ID1: variants seen among roughly 807,000 people sequenced by gnomAD.
ID1 encodes the protein DNA-binding protein inhibitor ID-1.
Under a neutral mutation model 11.3 loss-of-function variants are expected in ID1, and 8 were observed. The observed-to-expected ratio is 0.71, with a 90% CI of 0.42 to 1.28. The LOEUF is 1.28. Among genes scored for constraint, ID1 ranks in the 50% most tolerant of loss-of-function variants. The probability of loss-of-function intolerance (pLI) is 0.01; values close to 1 mark genes in which losing one functional copy is unlikely to be tolerated. For missense variants in ID1, 347 were observed against 219.8 expected, an observed-to-expected ratio of 1.58 and a Z score of -3.66; for synonymous variants, 176 against 100.2, an observed-to-expected ratio of 1.76 and a Z score of -4.52.
At position 31,605,451 on chromosome 20, in the gene ID1, G is replaced by C. The variant is rs749355245; in HGVS notation, c.64G>C (p.Gly22Arg). 45 of 1,608,990 alleles carry C rather than the reference G, an allele frequency of 2.8e-5. No individual in the cohort carries two copies. In the East Asian group the frequency reaches 9.4e-4, roughly 34 times the overall value. The change falls in exon 1 of 2, where the codon GGC (glycine) becomes CGC (arginine). Residue 22 changes from glycine (G) to arginine (R), a missense_variant. By Grantham distance (125) the Gly-to-Arg change is moderately radical. Coordinates refer to ENST00000376112, the MANE Select transcript of ID1 (RefSeq NM_002165.4). ...AAGPSCALKAGKTASGAGEVV... is the reference protein window; with the variant it reads ...AAGPSCALKARKTASGAGEVV... The stretch of plus-strand genomic sequence containing the variant: ...GGGCCCCAGCTGCGCGCTGAAGGCC[G>C]GCAAGACAGCGAGCGGTGCGGGCGA...
chr20:31,606,176 G>GC lies in ID1; in HGVS notation c.*84dup. ...GTGCTCTGTGGGTCTCCCCCAACGC[G>GC]CCTCGCCGGATCTGAGGGAGAACAA... On this transcript the variant is annotated 3_prime_UTR_variant, in exon 2 of 2. Transcript: ENST00000376112. The GC allele has an allele frequency of 7.0e-7, 1 of 1,419,576 alleles. No individual in the cohort carries two copies. Among genetic ancestry groups the GC allele is most frequent in the Non-Finnish European group, 9.9e-7 (1 of 1,013,218 alleles). The allele number at this position is 1,419,576 out of a possible 1,614,324, so 87.9% of individuals were successfully genotyped here. A position where few individuals can be genotyped will look rare whatever the true frequency, so the allele number is the denominator to read the frequency against.
Position 31,605,317 on chromosome 20 carries a change from CG to C in ID1, c.-70del, listed in dbSNP as rs1468350638. Reference sequence around the variant, plus strand: ...CCACGTTCTTAACTGTTCCATTTTCCGTATCTGCTTCGGGCTTCCACCTCAT... The same window carrying C: ...CCACGTTCTTAACTGTTCCATTTTCCTATCTGCTTCGGGCTTCCACCTCAT... On this transcript the variant is annotated 5_prime_UTR_variant, in exon 1 of 2. Coordinates refer to ENST00000376112, the MANE Select transcript of ID1 (RefSeq NM_002165.4). 6.4e-6 allele frequency: 9 copies of C among 1,396,784 alleles called. No individual in the cohort carries two copies. In the African/African-American group the frequency reaches 8.8e-5, roughly 14 times the overall value. 86.5% of individuals were successfully genotyped at this position (1,396,784 alleles called of 1,614,324 possible).
At position 31,605,726 on chromosome 20, in the gene ID1, C is replaced by T. The variant is rs375719249; in HGVS notation, c.339C>T (p.Ser113=). ...RDLQLELNSE[S]EVGTPGGRGL... ...TTCAGTTGGAGCTGAACTCGGAATC[C>T]GAAGTTGGAACCCCCGGGGGCCGAG... Residue 113 remains serine (S), a synonymous_variant, in exon 1 of 2, where the codon TCC becomes TCT. Coordinates refer to ENST00000376112, the MANE Select transcript of ID1 (RefSeq NM_002165.4). 1.9e-5 allele frequency: 31 copies of T among 1,611,170 alleles called. No homozygotes were observed. The highest frequency in any genetic ancestry group is 2.4e-5 in the Non-Finnish European group (28 of 1,178,792).
In ID1 at chr20:31,606,052, G is replaced by C. The variant is rs775696039; in HGVS notation, c.427-1G>C. ...GGTCTCATTTCTTCTCGTTTTCACA[G>C]GCGGCATGCGTTCCTGCGGACGATC... On this transcript the variant is annotated splice_acceptor_variant, in intron 1 of 1. Coordinates refer to ENST00000376112, the MANE Select transcript of ID1 (RefSeq NM_002165.4). LOFTEE classifies it high-confidence loss of function. 1 of 1,611,622 alleles carries C rather than the reference G, an allele frequency of 6.2e-7. No homozygotes were observed. The highest frequency in any genetic ancestry group is 8.5e-7 in the Non-Finnish European group (1 of 1,180,026).
chr20:31,605,960 C>T, intron 1 of ID1, 93 bp from the exon 2 acceptor site: 2 of 1,603,994 alleles, frequency 1.2e-6, no homozygotes, highest in South Asian at 2.2e-5. Context: ...AAAAAGCGCT[C>T]CCCCGTCGTG....
In ID1 at chr20:31,606,034, T is replaced by G. The variant is rs754611809; in HGVS notation, c.427-19T>G. On this transcript the variant is annotated intron_variant, in intron 1 of 1. Coordinates refer to ENST00000376112, the MANE Select transcript of ID1 (RefSeq NM_002165.4). ...CGTCCCTTCCAACCCGCCGGTCTCA[T>G]TTCTTCTCGTTTTCACAGGCGGCAT... 6.2e-7 allele frequency: 1 copy of G among 1,612,748 alleles called. No individual in the cohort carries two copies. Among genetic ancestry groups the G allele is most frequent in the South Asian group, 1.1e-5 (1 of 91,066 alleles).
At position 31,605,754 on chromosome 20, in the gene ID1, C is replaced by G. The variant is rs554618153; in HGVS notation, c.367C>G (p.Leu123Val). 21 of 1,610,352 alleles carry G rather than the reference C, an allele frequency of 1.3e-5. No homozygotes were observed. The South Asian group carries it at 2.0e-4, about 15-fold the overall frequency. The change falls in exon 1 of 2, where the codon CTG becomes GTG. Residue 123 changes from leucine (L) to valine (V), a missense_variant. Leu to Val is a conservative substitution (Grantham distance 32, BLOSUM62 1). Coordinates refer to ENST00000376112, the MANE Select transcript of ID1 (RefSeq NM_002165.4). The stretch of plus-strand genomic sequence containing the variant: ...AGTTGGAACCCCCGGGGGCCGAGGG[C>G]TGCCGGTCCGGGCTCCGCTCAGCAC... The part of the protein sequence containing the change: ...SEVGTPGGRG[L>V]PVRAPLSTLN...
Position 31,605,830 on chromosome 20 carries a change from A to T in ID1, c.426+17A>T, listed in dbSNP as rs758418916. 15 of 1,610,284 alleles carry T rather than the reference A, an allele frequency of 9.3e-6. No individual in the cohort carries two copies. The highest frequency in any genetic ancestry group is 1.2e-5 in the Non-Finnish European group (14 of 1,178,398). On this transcript the variant is annotated intron_variant, in intron 1 of 1. Coordinates refer to ENST00000376112, the MANE Select transcript of ID1 (RefSeq NM_002165.4). ...ACGGCCGAGGTGAGATCCAGATCCG[A>T]CCACTAGATCATCCTTATACCGACG...
Position 31,606,220 on chromosome 20 carries a change from G to A in ID1, c.*126G>A, listed in dbSNP as rs968690955. ...AGAACAAGACCGATCGGCGGCCACT[G>A]CGCCCTTAACTGCATCCAGCCTGGG... is the stretch of plus-strand genomic sequence containing the variant. On this transcript the variant is annotated 3_prime_UTR_variant, in exon 2 of 2. Coordinates refer to ENST00000376112, the MANE Select transcript of ID1 (RefSeq NM_002165.4). The A allele has an allele frequency of 1.1e-5, 11 of 1,034,814 alleles. No individual in the cohort carries two copies. The African/African-American group carries it at 1.6e-4, about 15-fold the overall frequency. 64.1% of individuals were successfully genotyped at this position (1,034,814 alleles called of 1,614,324 possible). A position where few individuals can be genotyped will look rare whatever the true frequency, so the allele number is the denominator to read the frequency against.
At chr20:31,605,912 C>A (rs749490072) in intron 1 of ID1, 99 bp downstream of exon 1, 4 of 1,581,332 alleles carry the variant, frequency 2.5e-6, no homozygotes, top group Admixed American at 3.6e-5. Flanking sequence ...CCCATCCTTG[C>A]GGGTACCTGG....
At position 31,606,136 on chromosome 20, in the gene ID1, G is replaced by T. The variant is rs774673437; in HGVS notation, c.*42G>T. On this transcript the variant is annotated 3_prime_UTR_variant, in exon 2 of 2. Coordinates refer to ENST00000376112, the MANE Select transcript of ID1 (RefSeq NM_002165.4). ...ACCGGCGGACCCCAGCCATCCAGGG[G>T]GCAAGAGGAATTACGTGCTCTGTGG... is the stretch of plus-strand genomic sequence containing the variant. 6.9e-6 allele frequency: 11 copies of T among 1,590,902 alleles called. No individual in the cohort carries two copies. The Admixed American group carries it at 1.7e-4, about 24-fold the overall frequency.
chr20:31,605,516 G>A lies in ID1; in HGVS notation c.129G>A (p.Ser43=), dbSNP rs769269311. The A allele has an allele frequency of 1.3e-5, 21 of 1,577,034 alleles. 1 individual carries two copies. In the South Asian group the frequency reaches 2.0e-4, roughly 15 times the overall value. ...TGTCTGAGCAGAGCGTGGCCATCTCGCGCTGCGCCGGGGGCGCCGGGGCGC... is the reference window on the plus strand; with the variant it reads ...TGTCTGAGCAGAGCGTGGCCATCTCACGCTGCGCCGGGGGCGCCGGGGCGC... ...RCLSEQSVAI[S]RCAGGAGARL... The change falls in exon 1 of 2, where the codon TCG becomes TCA. Residue 43 remains serine, a synonymous_variant. Transcript: ENST00000376112.
intron 1 of ID1, 93 bp from the exon 2 acceptor site, chr20:31,605,959 TC>T: frequency 6.2e-7 from 1 of 1,603,270 alleles, no homozygotes; most frequent in Non-Finnish European, 8.5e-7. Context: ...GAAAAAGCGC[TC>T]CCCCGTCGTG....
chr20:31,605,320 A>C lies in ID1; in HGVS notation c.-68A>C. 2.8e-6 allele frequency: 4 copies of C among 1,427,598 alleles called. No individual in the cohort carries two copies. Among genetic ancestry groups the C allele is most frequent in the South Asian group, 1.2e-5 (1 of 81,464 alleles). The allele number at this position is 1,427,598 out of a possible 1,614,324, so 88.4% of individuals were successfully genotyped here. On this transcript the variant is annotated 5_prime_UTR_variant, in exon 1 of 2. Transcript: ENST00000376112. Reference sequence around the variant, plus strand: ...CGTTCTTAACTGTTCCATTTTCCGTATCTGCTTCGGGCTTCCACCTCATTT... The same window carrying C: ...CGTTCTTAACTGTTCCATTTTCCGTCTCTGCTTCGGGCTTCCACCTCATTT...
At position 31,606,466 on chromosome 20, in the gene ID1, C is replaced by T. The variant is rs1373266328; in HGVS notation, c.*372C>T. 8.0e-6 allele frequency: 2 copies of T among 251,386 alleles called. No homozygotes were observed. The highest frequency in any genetic ancestry group is 2.3e-5 in the African/African-American group (1 of 44,090). 15.6% of individuals were successfully genotyped at this position (251,386 alleles called of 1,614,324 possible). A position where few individuals can be genotyped will look rare whatever the true frequency, so the allele number is the denominator to read the frequency against. ...CTGAAAATATTGTTTTACAATAGTT[C>T]TGTGGGGCTGTTTTTTTGTTATTAA... is the stretch of plus-strand genomic sequence containing the variant. On this transcript the variant is annotated 3_prime_UTR_variant, in exon 2 of 2. Transcript: ENST00000376112.
In ID1 at chr20:31,605,797, G is replaced by C; in HGVS notation, c.410G>C (p.Ser137Thr). ...APLSTLNGEI[S>T]ALTAEAACVP... ...CTCAGCACCCTCAACGGCGAGATCA[G>C]CGCCCTGACGGCCGAGGTGAGATCC... The change falls in exon 1 of 2, where the codon AGC (serine) becomes ACC (threonine). Residue 137 changes from serine to threonine, a missense_variant. Physicochemically the swap from Ser to Thr is moderately conservative, Grantham distance 58. Transcript: ENST00000376112. 1 of 1,611,564 alleles carries C rather than the reference G, an allele frequency of 6.2e-7. No homozygotes were observed.
In ID1 at chr20:31,605,504, C is replaced by T. The variant is rs118096050; in HGVS notation, c.117C>T (p.Ser39=). 2.8e-4 allele frequency: 449 copies of T among 1,595,756 alleles called. 2 individuals are homozygous for T. In the East Asian group the frequency reaches 8.3e-3, roughly 30 times the overall value. The stretch of plus-strand genomic sequence containing the variant: ...TGGTGCGCTGTCTGTCTGAGCAGAG[C>T]GTGGCCATCTCGCGCTGCGCCGGGG... ...GEVVRCLSEQ[S]VAISRCAGGA... Residue 39 remains serine, a synonymous_variant, in exon 1 of 2, where the codon AGC becomes AGT. Coordinates refer to ENST00000376112, the MANE Select transcript of ID1 (RefSeq NM_002165.4).
chr20:31,605,854 C>T lies in ID1; in HGVS notation c.426+41C>T, dbSNP rs573420092. The T allele has an allele frequency of 1.5e-5, 24 of 1,598,224 alleles. No homozygotes were observed. The Admixed American group carries it at 2.4e-4, about 16-fold the overall frequency. ...GACCACTAGATCATCCTTATACCGA[C>T]GGGGAAACGGAGGCCAGAGAGGGCG... On this transcript the variant is annotated intron_variant, in intron 1 of 1. Transcript: ENST00000376112.
chr20:31,606,477 T>G lies in ID1; in HGVS notation c.*383T>G, dbSNP rs1399801483. The G allele has an allele frequency of 1.3e-5, 3 of 231,600 alleles. No homozygotes were observed. Among genetic ancestry groups the G allele is most frequent in the Admixed American group, 1.1e-4 (2 of 18,158 alleles). The allele number at this position is 231,600 out of a possible 1,614,324, so 14.3% of individuals were successfully genotyped here. ...GTTTTACAATAGTTCTGTGGGGCTG[T>G]TTTTTTGTTATTAAACAAATAATTT... On this transcript the variant is annotated 3_prime_UTR_variant, in exon 2 of 2. Transcript: ENST00000376112.
Sources: allele counts gnomAD v4.1 joint callset, GRCh38; gene constraint gnomAD v4.1.1; transcripts MANE v1.5; gene names NCBI Gene and HGNC (gene_info 2026-07-23, HGNC 2026-07-21).